The following SRPX2 variants were observed in gnomAD, a reference collection of about 807,000 sequenced individuals.
SRPX2 encodes sushi repeat-containing protein SRPX2.
SRPX2 carries 26 observed loss-of-function variants against 45.3 expected under a neutral mutation model. The observed-to-expected ratio is 0.57, with a 90% confidence interval of 0.42 to 0.80. The LOEUF (loss-of-function observed/expected upper bound fraction) is 0.80, where lower values mean the gene tolerates loss of function less well. SRPX2 is among the 30% of genes least tolerant of loss of function. The probability of loss-of-function intolerance (pLI) is 0.00; values close to 1 mark genes in which losing one functional copy is unlikely to be tolerated. For synonymous variants in SRPX2, 125 were observed against 143.7 expected, an observed-to-expected ratio of 0.87 and a Z score of 0.93; for missense variants, 355 against 399.8, an observed-to-expected ratio of 0.89 and a Z score of 0.95.
intron 3 of SRPX2, among the ~76,000 whole-genome samples, chrX:100,656,699 T>C (rs1170968095): frequency 1.8e-5 from 2 of 112,354 alleles, no homozygotes; most frequent in Non-Finnish European, 3.8e-5. Context: ...TGTACCACAT[T>C]TTATTTATCC....
chrX:100,670,824 C>T lies in SRPX2; in HGVS notation c.1235C>T (p.Thr412Ile). 1 of 1,211,479 alleles carries T rather than the reference C, an allele frequency of 8.3e-7. No homozygotes were observed. The highest frequency in any genetic ancestry group is 1.1e-6 in the Non-Finnish European group (1 of 895,525). The change falls in exon 11 of 11, where the codon ACT (threonine) becomes ATT (isoleucine). Residue 412 changes from threonine (T) to isoleucine (I), a missense_variant. Physicochemically the swap from Thr to Ile is moderately conservative, Grantham distance 89. Coordinates refer to ENST00000373004, the MANE Select transcript of SRPX2 (RefSeq NM_014467.3). The part of the protein sequence containing the change: ...IEELRQFQRL[T>I]RSYFNMVLID... ...CTCTCTAGGCAATTTCAGCGCCTCA[C>T]TCGCTCCTACTTCAACATGGTGTTG...
At chrX:100,661,498 G>A (rs960950714) in intron 3 of SRPX2, among the ~76,000 whole-genome samples, 34 of 112,557 alleles carry the variant, frequency 3.0e-4, no homozygotes, top group Admixed American at 2.5e-3. Context: ...CTGGCCGGGC[G>A]CAGTGGCTCA....
intron 2 of SRPX2, among the ~76,000 whole-genome samples, chrX:100,647,156 C>G (rs1375276904): frequency 8.9e-6 from 1 of 112,134 alleles, no homozygotes; most frequent in African/African-American, 3.2e-5. Context: ...TGGGGCCCAG[C>G]TGGCATTCCA....
rs1052675845 is a variant in SRPX2, at chrX:100,674,779, G to A, written c.*3792G>A. On this transcript the variant is annotated 3_prime_UTR_variant, in exon 11 of 11. Transcript: ENST00000373004. ...TCCACACACAACTTTGGGTAGAAAC[G>A]CTTATGAGAATAGAAAGGTCAGTTT... 1 of 111,761 alleles carries A rather than the reference G, an allele frequency of 8.9e-6. No individual in the cohort carries two copies. Among genetic ancestry groups the A allele is most frequent in the African/African-American group, 3.3e-5 (1 of 30,686 alleles). The allele number at this position is 111,761 out of a possible 1,213,427, so 9.2% of individuals were successfully genotyped here.
Position 100,673,954 on chromosome X carries a change from C to T in SRPX2, c.*2967C>T, listed in dbSNP as rs1161220851. On this transcript the variant is annotated 3_prime_UTR_variant, in exon 11 of 11. Transcript: ENST00000373004. ...TGATATATATTAATGCCCTTTTGCA[C>T]AAGAGGTCAAGAATTGCTTGGGTTC... 2 of 112,059 alleles carry T rather than the reference C, an allele frequency of 1.8e-5. No individual in the cohort carries two copies. The highest frequency in any genetic ancestry group is 6.5e-5 in the African/African-American group (2 of 30,802). The allele number at this position is 112,059 out of a possible 1,213,427, so 9.2% of individuals were successfully genotyped here.
At position 100,665,264 on chromosome X, in the gene SRPX2, G is replaced by T. The variant is rs768629864; in HGVS notation, c.554G>T (p.Arg185Leu). Residue 185 changes from arginine to leucine, a missense_variant, in exon 6 of 11, where the codon CGC (arginine) becomes CTC (leucine). By Grantham distance (102) the Arg-to-Leu change is moderately radical (BLOSUM62 -2). Transcript: ENST00000373004. ...VCVDIDPPKI[R>L]CPHSREKMAE... is the part of the protein sequence containing the mutation. ...GCAGACATAGATCCCCCCAAGATCC[G>T]CTGTCCCCACTCACGTGAGAAGATG... 5 of 1,208,527 alleles carry T rather than the reference G, an allele frequency of 4.1e-6. No individual in the cohort carries two copies. Among genetic ancestry groups the T allele is most frequent in the Admixed American group, 4.4e-5 (2 of 45,731 alleles).
Position 100,674,963 on chromosome X carries a change from C to T in SRPX2, c.*3976C>T, listed in dbSNP as rs2083253625. On this transcript the variant is annotated 3_prime_UTR_variant, in exon 11 of 11. Coordinates refer to ENST00000373004, the MANE Select transcript of SRPX2 (RefSeq NM_014467.3). Reference sequence around the variant, plus strand: ...GCAGGAAGTCAGAATAACAGGGAGACTCTGTCTACATTCCCTTAGAGCCCT... The same window carrying T: ...GCAGGAAGTCAGAATAACAGGGAGATTCTGTCTACATTCCCTTAGAGCCCT... 1 of 111,785 alleles carries T rather than the reference C, an allele frequency of 8.9e-6. No individual in the cohort carries two copies. Among genetic ancestry groups the T allele is most frequent in the African/African-American group, 3.3e-5 (1 of 30,740 alleles). 9.2% of individuals were successfully genotyped at this position (111,785 alleles called of 1,213,427 possible).
At chrX:100,660,106 C>T (rs1331821661) in intron 3 of SRPX2, among the ~76,000 whole-genome samples, 7 of 111,893 alleles carry the variant, frequency 6.3e-5, no homozygotes, top group Admixed American at 1.9e-4. Context: ...ATGTCACATT[C>T]CCTTCCTCTC....
chrX:100,652,055 T>G (rs1196119554), intron 3 of SRPX2, among the ~76,000 whole-genome samples: 6 of 112,069 alleles, frequency 5.4e-5, no homozygotes, highest in Non-Finnish European at 1.1e-4. Flanking sequence ...CACATGTTTT[T>G]GCACAGAGGC....
At chrX:100,662,412 G>A (rs1257266111) in intron 4 of SRPX2, 45 bp downstream of exon 4, 3 of 1,182,264 alleles carry the variant, frequency 2.5e-6, no homozygotes, top group Admixed American at 4.4e-5. Flanking sequence ...TGCGAGAGAA[G>A]CCAGCCAGCC....
intron 3 of SRPX2, among the ~76,000 whole-genome samples, chrX:100,652,231 A>G (rs1347493280): frequency 8.9e-6 from 1 of 112,053 alleles, no homozygotes; most frequent in Non-Finnish European, 1.9e-5. Flanking sequence ...GTACAGATGA[A>G]CCCCATAAAT....
rs1463541968 is a variant in SRPX2, at chrX:100,675,286, C to A, written c.*4299C>A. 8.9e-6 allele frequency: 1 copy of A among 112,447 alleles called. No homozygotes were observed. Among genetic ancestry groups the A allele is most frequent in the African/African-American group, 3.2e-5 (1 of 30,830 alleles). 9.3% of individuals were successfully genotyped at this position (112,447 alleles called of 1,213,427 possible). On this transcript the variant is annotated 3_prime_UTR_variant, in exon 11 of 11. Coordinates refer to ENST00000373004, the MANE Select transcript of SRPX2 (RefSeq NM_014467.3). ...TCAGCTAGAAGCTCTCACTGGGCAT[C>A]CTCGTGATTTAGTCAAAATACATTA...
chrX:100,645,939 T>A (rs1026857205), intron 1 of SRPX2: 10 of 208,942 alleles, frequency 4.8e-5, no homozygotes, highest in Non-Finnish European at 7.8e-5. Context: ...CCTGGTTCTG[T>A]GTAACTTCAT....
At chrX:100,653,287 C>T (rs1213292267) in intron 3 of SRPX2, among the ~76,000 whole-genome samples, 8 of 111,612 alleles carry the variant, frequency 7.2e-5, no homozygotes, top group African/African-American at 2.6e-4. Context: ...CTTCCTACTT[C>T]TGATAACACT....
At chrX:100,669,402 A>AGGGGGGGGG in intron 10 of SRPX2, 33 bp downstream of exon 10, 5 of 27,509 alleles carry the variant, frequency 1.8e-4, no homozygotes, top group Non-Finnish European at 2.4e-4. Context: ...ACTTGGGGGG[A>AGGGGGGGGG]GGGGGGGCTG....
rs142936481 is a variant in SRPX2 at position 100,646,965 on chromosome X, A to C, written c.82+561A>C. On this transcript the variant is annotated intron_variant, in intron 2 of 10. Transcript: ENST00000373004. Reference sequence around the variant, plus strand: ...GTGGCAATACAGATCACATCCTTTTAATCAGGAATTTCCCAGTTTCTTCTC... The same window carrying C: ...GTGGCAATACAGATCACATCCTTTTCATCAGGAATTTCCCAGTTTCTTCTC... Among the ~76,000 whole-genome samples, 365 of 111,820 alleles carry C rather than the reference A, an allele frequency of 3.3e-3. 1 individual carries two copies. Among genetic ancestry groups the C allele is most frequent in the Non-Finnish European group, 5.5e-3 (290 of 53,202 alleles).
intron 3 of SRPX2, among the ~76,000 whole-genome samples, chrX:100,659,072 C>G (rs1168762619): frequency 1.8e-5 from 2 of 112,006 alleles, no homozygotes; most frequent in African/African-American, 6.5e-5. Context: ...CCCTGCTCTA[C>G]CAGTCTGGTG....
rs376812048 is a variant in SRPX2, at chrX:100,646,069, C to T, written c.-130-124C>T. The T allele has an allele frequency of 4.5e-4, 169 of 374,837 alleles. No individual in the cohort carries two copies. In the South Asian group the frequency reaches 5.9e-3, roughly 13 times the overall value. 30.9% of individuals were successfully genotyped at this position (374,837 alleles called of 1,213,427 possible). A position where few individuals can be genotyped will look rare whatever the true frequency, so the allele number is the denominator to read the frequency against. The stretch of plus-strand genomic sequence containing the variant: ...TTGGTTGTTTTACATCCTCCTCCTC[C>T]TGGGAGGAAAAGGGACCATAAATAA... On this transcript the variant is annotated intron_variant, in intron 1 of 10. Transcript: ENST00000373004.
At chrX:100,653,869 T>G (rs958896663) in intron 3 of SRPX2, among the ~76,000 whole-genome samples, 1 of 112,778 alleles carries the variant, frequency 8.9e-6, no homozygotes. Context: ...TGTATTTGAC[T>G]GTATTTAACT....
Sources: allele counts gnomAD v4.1 joint callset (sites outside exome capture counted in the v4.1 genomes callset), GRCh38; gene constraint gnomAD v4.1.1; transcripts MANE v1.5; gene names NCBI Gene and HGNC (gene_info 2026-07-23, HGNC 2026-07-21).